The following CDH10 variants were observed in gnomAD, a reference collection of about 807,000 sequenced individuals.
CDH10 encodes the protein cadherin 10, also known as cadherin-10.
A neutral mutation model predicts 73.1 loss-of-function variants in CDH10; 30 were observed. That is an observed-to-expected ratio of 0.41 (90% CI 0.31 to 0.56). The LOEUF (loss-of-function observed/expected upper bound fraction) is 0.56. Among genes scored for constraint, CDH10 ranks in the 20% least tolerant of loss-of-function variants. The pLI, the probability that CDH10 is intolerant of heterozygous loss-of-function variation, is 0.27. For missense variants in CDH10, 815 were observed against 973.7 expected (o/e 0.84, Z 2.17); for synonymous variants, 345 against 348.2 (o/e 0.99, Z 0.10).
intron 1 of CDH10, among the ~76,000 whole-genome samples, chr5:24,628,856 A>G (rs1467275775): frequency 7.2e-6 from 1 of 138,338 alleles, no homozygotes; most frequent in Non-Finnish European, 1.6e-5. Context: ...ACACACACAC[A>G]CACACACACA....
intron 1 of CDH10, among the ~76,000 whole-genome samples, chr5:24,594,963 G>A (rs1746321413): frequency 6.6e-6 from 1 of 151,886 alleles, no homozygotes; most frequent in South Asian, 2.1e-4. Flanking sequence ...TGAATGAATT[G>A]CAAGTCAATG....
intron 1 of CDH10, among the ~76,000 whole-genome samples, chr5:24,597,253 T>G (rs1224499971): frequency 3.3e-5 from 5 of 152,094 alleles, no homozygotes; most frequent in Non-Finnish European, 5.9e-5. Context: ...ATATCTATGT[T>G]CTCATTCAGT....
At chr5:24,535,355 A>AT in intron 4 of CDH10, 76 bp from the exon 5 acceptor site, 1 of 1,362,866 alleles carries the variant, frequency 7.3e-7, no homozygotes, top group East Asian at 2.3e-5. Flanking sequence ...CACAAAAAGT[A>AT]TTTTTAAGCT....
intron 2 of CDH10, among the ~76,000 whole-genome samples, chr5:24,576,573 C>T (rs2112040682): frequency 6.6e-6 from 1 of 152,008 alleles, no homozygotes; most frequent in Admixed American, 6.6e-5. Flanking sequence ...TCCCAATGGC[C>T]AAAGCTGGAT....
chr5:24,544,129 AC>A (rs1744253474), intron 2 of CDH10, among the ~76,000 whole-genome samples: 1 of 152,148 alleles, frequency 6.6e-6, no homozygotes. Context: ...CCCCGTCTCT[AC>A]TAAAAATACA....
At chr5:24,522,991 C>T (rs760301628) in intron 5 of CDH10, among the ~76,000 whole-genome samples, 5 of 151,096 alleles carry the variant, frequency 3.3e-5, no homozygotes, top group Non-Finnish European at 7.4e-5. Context: ...AGGAGGTTGA[C>T]AATGGTGAAT....
At position 24,630,464 on chromosome 5, in the gene CDH10, A is replaced by C. The variant is rs977331840; in HGVS notation, c.-124+14130T>G. Among the ~76,000 whole-genome samples the C allele has an allele frequency of 3.8e-4, 57 of 151,832 alleles. 1 individual carries two copies. Among genetic ancestry groups the C allele is most frequent in the Non-Finnish European group, 7.9e-4 (54 of 67,952 alleles). The stretch of plus-strand genomic sequence containing the variant: ...GCTATGTGAGAGGTTGAGGCATGAG[A>C]ATTGCTTGAACCCAGGAGGCGGAAG... On this transcript the variant is annotated intron_variant, in intron 1 of 11. Transcript: ENST00000264463.
chr5:24,614,792 C>T (rs1267403663), intron 1 of CDH10, among the ~76,000 whole-genome samples: 1 of 152,092 alleles, frequency 6.6e-6, no homozygotes, highest in African/African-American at 2.4e-5. Flanking sequence ...TAGTACAAGA[C>T]TCATGTTTAT....
intron 1 of CDH10, among the ~76,000 whole-genome samples, chr5:24,610,525 A>G (rs558838987): frequency 4.3e-4 from 66 of 152,198 alleles, no homozygotes; most frequent in Non-Finnish European, 8.4e-4. Flanking sequence ...ATACACATGA[A>G]TAAAACATTA....
At chr5:24,518,224 A>C (rs1032006125) in intron 5 of CDH10, among the ~76,000 whole-genome samples, 4 of 152,166 alleles carry the variant, frequency 2.6e-5, no homozygotes, top group Admixed American at 2.0e-4. Context: ...AGGCACGTTA[A>C]TATCTCTGAA....
intron 1 of CDH10, among the ~76,000 whole-genome samples, chr5:24,638,919 A>T (rs1259877959): frequency 6.6e-6 from 1 of 151,638 alleles, no homozygotes; most frequent in Non-Finnish European, 1.5e-5. Context: ...TTTTGAAAGT[A>T]TGTAATTCAT....
intron 5 of CDH10, among the ~76,000 whole-genome samples, chr5:24,526,104 T>C (rs1471205406): frequency 6.6e-6 from 1 of 152,018 alleles, no homozygotes; most frequent in Non-Finnish European, 1.5e-5. Context: ...ACAGCTTTAA[T>C]TGTGTCTAAA....
At chr5:24,538,488 C>T (rs1376664589) in intron 2 of CDH10, among the ~76,000 whole-genome samples, 1 of 152,028 alleles carries the variant, frequency 6.6e-6, no homozygotes, top group East Asian at 1.9e-4. Flanking sequence ...CATCAAAGAG[C>T]TTTGCATGCC....
chr5:24,590,060 A>G (rs1231158722), intron 2 of CDH10, among the ~76,000 whole-genome samples: 1 of 152,048 alleles, frequency 6.6e-6, no homozygotes, highest in Non-Finnish European at 1.5e-5. Context: ...TAGATCATGG[A>G]AAAAATGGAA....
rs1273877423 is a variant in CDH10, at chr5:24,487,842, AG to A, written c.2187del (p.Tyr730ThrfsTer19). ...KEHDLDPTAPPYDSLATYAYE... is the reference protein window; with the variant it reads ...KEHDLDPTAPXYDSLATYAYE... ...TAGGCATAGGTTGCAAGTGAGTCGT[AG>A]GGGGGTGCGGTGGGGTCAAGATCAT... On this transcript the variant is annotated frameshift_variant, in exon 12 of 12. Transcript: ENST00000264463. LOFTEE classifies it high-confidence loss of function. 1.2e-6 allele frequency: 2 copies of A among 1,613,862 alleles called. No individual in the cohort carries two copies. The highest frequency in any genetic ancestry group is 1.7e-6 in the Non-Finnish European group (2 of 1,179,902).
intron 2 of CDH10, among the ~76,000 whole-genome samples, chr5:24,565,854 G>C (rs1745148118): frequency 6.6e-6 from 1 of 151,980 alleles, no homozygotes; most frequent in Non-Finnish European, 1.5e-5. Context: ...CAGGAAGACA[G>C]CATTCATCAA....
At chr5:24,520,355 T>C (rs1459594481) in intron 5 of CDH10, among the ~76,000 whole-genome samples, 1 of 152,120 alleles carries the variant, frequency 6.6e-6, no homozygotes, top group Non-Finnish European at 1.5e-5. Context: ...TATCATTGAG[T>C]GAAAAAAAGC....
intron 1 of CDH10, among the ~76,000 whole-genome samples, chr5:24,635,028 G>A (rs971447350): frequency 2.9e-4 from 44 of 151,086 alleles, no homozygotes; most frequent in African/African-American, 1.0e-3. Flanking sequence ...CAGAAACAGT[G>A]GTTTCAAATT....
In CDH10 at chr5:24,634,245, G is replaced by A. The variant is rs1011023404; in HGVS notation, c.-124+10349C>T. 2.0e-5 allele frequency among the ~76,000 whole-genome samples: 3 copies of A among 151,760 alleles called. No individual in the cohort carries two copies. The East Asian group carries it at 5.8e-4, about 29-fold the overall frequency. On this transcript the variant is annotated intron_variant, in intron 1 of 11. Transcript: ENST00000264463. Reference sequence around the variant, plus strand: ...AATTTCTCCTCTAATTTTGCACAATGTTATTCTCACTTTACTTCCAACTAA... The same window carrying A: ...AATTTCTCCTCTAATTTTGCACAATATTATTCTCACTTTACTTCCAACTAA...
Sources: gnomAD v4.1 joint callset for allele counts (sites outside exome capture counted in the v4.1 genomes callset) on GRCh38, gnomAD v4.1.1 for gene constraint, MANE v1.5 for transcripts, NCBI Gene and HGNC (gene_info 2026-07-23, HGNC 2026-07-21) for gene names.